PTPRD: variants seen among roughly 807,000 people sequenced by gnomAD.
PTPRD encodes receptor-type tyrosine-protein phosphatase delta.
Under a neutral mutation model 214.5 loss-of-function variants are expected in PTPRD, and 34 were observed. The ratio of observed to expected loss-of-function variants is 0.16; its 90% CI spans 0.12 to 0.21. The LOEUF is 0.21. Among genes scored for constraint, PTPRD ranks in the 10% least tolerant of loss-of-function variants. The probability of loss-of-function intolerance (pLI) is 1.00; values close to 1 mark genes in which losing one functional copy is unlikely to be tolerated. For synonymous variants in PTPRD, 1,128 were observed against 845.7 expected, an observed-to-expected ratio of 1.33 and a Z score of -5.79; for missense variants, 2,545 against 2,398.7, an observed-to-expected ratio of 1.06 and a Z score of -1.27.
At chr9:8,418,829 T>C (rs1303689187) in intron 35 of PTPRD, among the ~76,000 whole-genome samples, 1 of 152,062 alleles carries the variant, frequency 6.6e-6, no homozygotes, top group Non-Finnish European at 1.5e-5. Flanking sequence ...CCATTCAAGT[T>C]GTACAACTTG....
At chr9:9,779,712 G>T (rs572995771) in intron 5 of PTPRD, among the ~76,000 whole-genome samples, 2 of 152,100 alleles carry the variant, frequency 1.3e-5, no homozygotes, top group Non-Finnish European at 2.9e-5. Context: ...ACAACAGCTG[G>T]TAAGGCTATG....
At chr9:10,470,187 C>G (rs1588915107) in intron 2 of PTPRD, among the ~76,000 whole-genome samples, 1 of 151,954 alleles carries the variant, frequency 6.6e-6, no homozygotes, top group African/African-American at 2.4e-5. Context: ...CACATTTGAT[C>G]ATTAAACATT....
chr9:10,442,660 G>A (rs77850239), intron 2 of PTPRD, among the ~76,000 whole-genome samples: 11,522 of 151,598 alleles, frequency 0.076, 706 homozygotes, highest in African/African-American at 0.16. Context: ...GTTCTTGCAA[G>A]AAATGTTCAT....
intron 9 of PTPRD, among the ~76,000 whole-genome samples, chr9:9,382,909 C>T (rs566937015): frequency 6.6e-6 from 1 of 151,966 alleles, no homozygotes; most frequent in African/African-American, 2.4e-5. Flanking sequence ...AACCTAAATG[C>T]CCACCAATAG....
chr9:8,771,969 A>C (rs559947449), intron 11 of PTPRD, among the ~76,000 whole-genome samples: 10 of 152,300 alleles, frequency 6.6e-5, no homozygotes, highest in Non-Finnish European at 1.3e-4. Flanking sequence ...CTGTAAGAAT[A>C]ATTACTAAAA....
intron 33 of PTPRD, among the ~76,000 whole-genome samples, chr9:8,457,249 T>C (rs1389756429): frequency 1.3e-5 from 2 of 152,144 alleles, no homozygotes; most frequent in African/African-American, 4.8e-5. Flanking sequence ...GGACTTGGAT[T>C]CGGGTTTCTT....
At chr9:9,038,550 AC>A (rs1041106230) in intron 10 of PTPRD, among the ~76,000 whole-genome samples, 3 of 119,048 alleles carry the variant, frequency 2.5e-5, no homozygotes, top group Non-Finnish European at 5.3e-5. Flanking sequence ...GTTTGTGATA[AC>A]GGTTTTTTTT....
At chr9:9,580,609 T>C (rs9408775) in intron 7 of PTPRD, among the ~76,000 whole-genome samples, 48,967 of 146,216 alleles carry the variant, frequency 0.33, 8,645 homozygotes, top group African/African-American at 0.41. Context: ...AGTGCAGTGG[T>C]GTGATCTCTG....
chr9:8,712,691 T>C (rs1281170004), intron 12 of PTPRD, among the ~76,000 whole-genome samples: 1 of 150,750 alleles, frequency 6.6e-6, no homozygotes, highest in Non-Finnish European at 1.5e-5. Context: ...TTAATAAAAT[T>C]TGAATATGCA....
At chr9:9,472,884 G>A (rs925940619) in intron 8 of PTPRD, among the ~76,000 whole-genome samples, 4 of 152,072 alleles carry the variant, frequency 2.6e-5, no homozygotes, top group Admixed American at 2.6e-4. Context: ...GGGATGCAGT[G>A]ATATATTATT....
At chr9:9,075,360 C>T (rs979348715) in intron 10 of PTPRD, among the ~76,000 whole-genome samples, 2 of 151,944 alleles carry the variant, frequency 1.3e-5, no homozygotes, top group South Asian at 4.1e-4. Flanking sequence ...ACTGTAATCA[C>T]CCCGTTGTAC....
chr9:8,892,878 G>A (rs980085705), intron 11 of PTPRD, among the ~76,000 whole-genome samples: 1 of 151,876 alleles, frequency 6.6e-6, no homozygotes, highest in African/African-American at 2.4e-5. Flanking sequence ...ACTGAAGGAA[G>A]GAAGTGTGAG....
At chr9:9,835,578 G>T (rs1365167851) in intron 5 of PTPRD, among the ~76,000 whole-genome samples, 2 of 152,032 alleles carry the variant, frequency 1.3e-5, no homozygotes, top group Non-Finnish European at 2.9e-5. Context: ...GCCTTCTTTA[G>T]CAAGCAGCTC....
intron 26 of PTPRD, among the ~76,000 whole-genome samples, chr9:8,495,861 T>C (rs1217379862): frequency 6.6e-6 from 1 of 152,162 alleles, no homozygotes; most frequent in Non-Finnish European, 1.5e-5. Flanking sequence ...ATTCATTCAG[T>C]GAATGGAAGA....
At chr9:8,917,101 AC>A (rs1321735652) in intron 11 of PTPRD, among the ~76,000 whole-genome samples, 2 of 146,944 alleles carry the variant, frequency 1.4e-5, no homozygotes, top group East Asian at 4.0e-4. Flanking sequence ...AATGAGAATC[AC>A]ATAATAGATT....
At chr9:9,260,323 G>A (rs1478735091) in intron 9 of PTPRD, among the ~76,000 whole-genome samples, 2 of 151,780 alleles carry the variant, frequency 1.3e-5, no homozygotes, top group Non-Finnish European at 2.9e-5. Context: ...AAAGACTACT[G>A]TAAAGGGACT....
intron 9 of PTPRD, among the ~76,000 whole-genome samples, chr9:9,321,592 T>C (rs1412544751): frequency 6.7e-6 from 1 of 148,830 alleles, no homozygotes; most frequent in Non-Finnish European, 1.5e-5. Flanking sequence ...TAAAATGCCA[T>C]GTATGCATAT....
chr9:10,465,759 A>G (rs764368673), intron 2 of PTPRD, among the ~76,000 whole-genome samples: 8 of 152,198 alleles, frequency 5.3e-5, no homozygotes, highest in Non-Finnish European at 1.0e-4. Flanking sequence ...TGTAGGCTAT[A>G]CCATGTAGGT....
chr9:9,541,436 C>A (rs999497714), intron 8 of PTPRD, among the ~76,000 whole-genome samples: 2 of 151,884 alleles, frequency 1.3e-5, no homozygotes, highest in South Asian at 4.1e-4. Flanking sequence ...GAACTTCCAG[C>A]CCAACCCAGC....
Sources: allele counts gnomAD v4.1 joint callset (sites outside exome capture counted in the v4.1 genomes callset), GRCh38; gene constraint gnomAD v4.1.1; transcripts MANE v1.5; gene names NCBI Gene and HGNC (gene_info 2026-07-23, HGNC 2026-07-21).